The following C22orf15 variants were observed in gnomAD, a reference collection of about 807,000 sequenced individuals.
The protein encoded by C22orf15 is uncharacterized protein C22orf15.
In C22orf15, 21 loss-of-function variants were observed where a neutral mutation model predicts 20.3. That is an observed-to-expected ratio of 1.04 (90% CI 0.74 to 1.49). C22orf15 has a LOEUF of 1.49. Among genes scored for constraint, C22orf15 ranks in the 40% most tolerant of loss-of-function variants. The pLI is 0.00. For synonymous variants in C22orf15, 78 were observed against 75.4 expected (o/e 1.03, Z -0.18); for missense variants, 170 against 191.1 (o/e 0.89, Z 0.65).
At chr22:23,765,159 T>C in intron 5 of C22orf15, 1 of 1,435,232 alleles carries the variant, frequency 7.0e-7, no homozygotes, top group Non-Finnish European at 9.1e-7. Flanking sequence ...TTCACAGATG[T>C]GGCATAGGGG....
intron 5 of C22orf15, 45 bp downstream of exon 5, chr22:23,764,947 C>A: frequency 6.3e-7 from 1 of 1,578,624 alleles, no homozygotes; most frequent in Non-Finnish European, 8.6e-7. Flanking sequence ...GGCAGGGAGC[C>A]AGGTACAGAG....
chr22:23,763,447 A>G, intron 1 of C22orf15, 116 bp downstream of exon 1: 2 of 1,083,256 alleles, frequency 1.8e-6, no homozygotes, highest in Non-Finnish European at 2.6e-6. Context: ...GGGGTGGTGC[A>G]CATGGCGGGG....
At position 23,765,840 on chromosome 22, in the gene C22orf15, C is replaced by T; in HGVS notation, c.*108C>T. The T allele has an allele frequency of 6.5e-7, 1 of 1,528,954 alleles. No individual in the cohort carries two copies. Among genetic ancestry groups the T allele is most frequent in the East Asian group, 2.4e-5 (1 of 40,978 alleles). 94.7% of individuals were successfully genotyped at this position (1,528,954 alleles called of 1,614,324 possible). The stretch of plus-strand genomic sequence containing the variant: ...AGAGAGGCACACAACAGGCTGTGGT[C>T]TAAAATAAACTTTTAATTGCACATT... On this transcript the variant is annotated 3_prime_UTR_variant, in exon 6 of 6. Transcript: ENST00000402217.
chr22:23,763,421 G>A, intron 1 of C22orf15, 90 bp downstream of exon 1: 1 of 1,373,690 alleles, frequency 7.3e-7, no homozygotes, highest in Non-Finnish European at 9.8e-7. Flanking sequence ...GGGTGGGGAG[G>A]CAATGGCGGG....
intron 1 of C22orf15, among the ~76,000 whole-genome samples, chr22:23,763,587 G>A (rs1419074219): frequency 6.6e-6 from 1 of 152,264 alleles, no homozygotes; most frequent in African/African-American, 2.4e-5. Flanking sequence ...GCATTACCCT[G>A]GAGCAGGTTT....
chr22:23,765,655 G>A, intron 5 of C22orf15, 66 bp from the exon 6 acceptor site: 1 of 1,520,984 alleles, frequency 6.6e-7, no homozygotes, highest in Non-Finnish European at 8.8e-7. Flanking sequence ...ACTCTGGACT[G>A]CCCAAGGAAT....
At chr22:23,765,383 A>G in intron 5 of C22orf15, 2 of 1,551,048 alleles carry the variant, frequency 1.3e-6, no homozygotes, top group Non-Finnish European at 1.7e-6. Context: ...TCAGGTGCAA[A>G]CAGACAACAA....
rs118072813 is a variant in C22orf15, at chr22:23,765,457, G to A, written c.436-264G>A. 11,285 of 1,550,934 alleles carry A rather than the reference G, an allele frequency of 7.3e-3. 74 individuals are homozygous for A. Among genetic ancestry groups the A allele is most frequent in the Middle Eastern group, 0.017 (104 of 5,994 alleles). On this transcript the variant is annotated intron_variant, in intron 5 of 5. Transcript: ENST00000402217. ...GAAGTTGCATCAGCAAGAGGGGCAA[G>A]GTCAGACAGGATTTGAGGCCGCCAG... is the stretch of plus-strand genomic sequence containing the variant.
chr22:23,763,193 T>A lies in C22orf15; in HGVS notation c.-114T>A, dbSNP rs1925991193. On this transcript the variant is annotated 5_prime_UTR_variant, in exon 1 of 6. Transcript: ENST00000402217. ...CAGCCATCCACACTCACACATCCAC[T>A]TCTCCCTCCAGAGCCCGGCCCTGAA... 1.4e-6 allele frequency: 2 copies of A among 1,420,956 alleles called. No homozygotes were observed. The highest frequency in any genetic ancestry group is 1.9e-6 in the Non-Finnish European group (2 of 1,038,178). 88.0% of individuals were successfully genotyped at this position (1,420,956 alleles called of 1,614,324 possible).
Position 23,763,136 on chromosome 22 carries a change from A to T in C22orf15, c.-171A>T. 2.5e-6 allele frequency: 2 copies of T among 807,624 alleles called. No individual in the cohort carries two copies. Among genetic ancestry groups the T allele is most frequent in the Non-Finnish European group, 2.0e-6 (1 of 508,190 alleles). 50.0% of individuals were successfully genotyped at this position (807,624 alleles called of 1,614,324 possible). A position where few individuals can be genotyped will look rare whatever the true frequency, so the allele number is the denominator to read the frequency against. The stretch of plus-strand genomic sequence containing the variant: ...CTAGGCTGAAGCAGCAGAACCACAG[A>T]GGTGGCTGAGCAGGGGCCTGGCCCT... On this transcript the variant is annotated 5_prime_UTR_variant, in exon 1 of 6. Transcript: ENST00000402217.
rs987308712 is a variant in C22orf15, at chr22:23,764,267, T to G, written c.120T>G (p.Ile40Met). ...QKAGLPPDAT[I>M]ALLAEDGNLV... ...CTCTCCATGTCCTCCCAGCGACCATTGCTCTCCTGGCTGAGGATGGCAACC... is the reference window on the plus strand; with the variant it reads ...CTCTCCATGTCCTCCCAGCGACCATGGCTCTCCTGGCTGAGGATGGCAACC... The change falls in exon 3 of 6, where the codon ATT (isoleucine) becomes ATG (methionine). Residue 40 changes from isoleucine to methionine, a missense_variant. By Grantham distance (10) the Ile-to-Met change is conservative. Coordinates refer to ENST00000402217, the MANE Select transcript of C22orf15 (RefSeq NM_182520.3). 6.4e-7 allele frequency: 1 copy of G among 1,551,542 alleles called. No homozygotes were observed. Among genetic ancestry groups the G allele is most frequent in the Non-Finnish European group, 8.7e-7 (1 of 1,146,968 alleles).
At chr22:23,763,422 C>G in intron 1 of C22orf15, 91 bp downstream of exon 1, 2 of 1,310,066 alleles carry the variant, frequency 1.5e-6, no homozygotes, top group Non-Finnish European at 2.0e-6. Flanking sequence ...GGTGGGGAGG[C>G]AATGGCGGGA....
chr22:23,765,064 C>A, intron 5 of C22orf15, 162 bp downstream of exon 5: 1 of 1,463,744 alleles, frequency 6.8e-7, no homozygotes, highest in Admixed American at 2.6e-5. Flanking sequence ...ACATATACCC[C>A]CAGATGGAAC....
intron 5 of C22orf15, chr22:23,765,271 G>A (rs1362920826): frequency 3.3e-6 from 5 of 1,511,080 alleles, no homozygotes; most frequent in East Asian, 4.9e-5. Context: ...TGAAGGGCTT[G>A]TTCTTCCATT....
chr22:23,765,409 C>T, intron 5 of C22orf15: 1 of 1,551,094 alleles, frequency 6.4e-7, no homozygotes, highest in Non-Finnish European at 8.7e-7. Context: ...CAGGACTCCT[C>T]TTGCAGAATC....
At chr22:23,763,787 G>C (rs1278973419) in intron 1 of C22orf15, among the ~76,000 whole-genome samples, 2 of 152,232 alleles carry the variant, frequency 1.3e-5, no homozygotes, top group Non-Finnish European at 2.9e-5. Flanking sequence ...TGGGTCCCGT[G>C]GGGGCGGGTC....
intron 1 of C22orf15, 79 bp downstream of exon 1, chr22:23,763,410 TGG>T: frequency 1.7e-6 from 2 of 1,165,474 alleles, no homozygotes; most frequent in East Asian, 8.6e-5. Flanking sequence ...GCCCTTGCGG[TGG>T]GTGGGGAGGC....
At chr22:23,763,369 G>A (rs1326150703) in intron 1 of C22orf15, 38 bp downstream of exon 1, 1 of 1,540,170 alleles carries the variant, frequency 6.5e-7, no homozygotes, top group Non-Finnish European at 8.8e-7. Flanking sequence ...CGGATAGGGG[G>A]ATGAGCACAC....
intron 5 of C22orf15, 52 bp downstream of exon 5, chr22:23,764,954 A>C: frequency 6.4e-7 from 1 of 1,564,962 alleles, no homozygotes; most frequent in Non-Finnish European, 8.6e-7. Flanking sequence ...AGCCAGGTAC[A>C]GAGCAGATTT....
Sources: gnomAD v4.1 joint callset for allele counts (sites outside exome capture counted in the v4.1 genomes callset) on GRCh38, gnomAD v4.1.1 for gene constraint, MANE v1.5 for transcripts, NCBI Gene and HGNC (gene_info 2026-07-23, HGNC 2026-07-21) for gene names.